GNL2: variants seen among roughly 807,000 people sequenced by gnomAD.
GNL2 encodes the protein nucleolar GTP-binding protein 2.
In GNL2, 51 loss-of-function variants were observed where a neutral mutation model predicts 92.3. That is an observed-to-expected ratio of 0.55 (90% CI 0.44 to 0.70). The LOEUF is 0.70. Ranked by LOEUF, GNL2 falls within the 30% of genes least tolerant of loss-of-function variation. The pLI is 0.00. For missense variants in GNL2, 844 were observed against 895.6 expected, an observed-to-expected ratio of 0.94 and a Z score of 0.74; for synonymous variants, 283 against 300.6, an observed-to-expected ratio of 0.94 and a Z score of 0.61.
At position 37,569,561 on chromosome 1, in the gene GNL2, C is replaced by T. The variant is rs1214733447; in HGVS notation, c.1417-259G>A. On this transcript the variant is annotated intron_variant, in intron 12 of 15. Coordinates refer to ENST00000373062, the MANE Select transcript of GNL2 (RefSeq NM_013285.3). Reference sequence around the variant, plus strand: ...AGACTATTTAAACCATTAAAACCAACCAATGATTTATCATAGAAAAGCAAG... The same window carrying T: ...AGACTATTTAAACCATTAAAACCAATCAATGATTTATCATAGAAAAGCAAG... 1.5e-5 allele frequency: 6 copies of T among 394,516 alleles called. No homozygotes were observed. The East Asian group carries it at 2.8e-4, about 18-fold the overall frequency. 24.4% of individuals were successfully genotyped at this position (394,516 alleles called of 1,614,324 possible). A position where few individuals can be genotyped will look rare whatever the true frequency, so the allele number is the denominator to read the frequency against.
intron 8 of GNL2, among the ~76,000 whole-genome samples, chr1:37,576,999 C>T (rs896514707): frequency 1.3e-5 from 2 of 151,956 alleles, no homozygotes; most frequent in African/African-American, 4.8e-5. Flanking sequence ...GTAATCCCAG[C>T]TACTTGGGAG....
At chr1:37,580,503 CT>C (rs1643749468) in intron 8 of GNL2, among the ~76,000 whole-genome samples, 1 of 152,182 alleles carries the variant, frequency 6.6e-6, no homozygotes, top group East Asian at 1.9e-4. Context: ...TCTCAGGAAA[CT>C]TTTGGAAAAT....
At chr1:37,582,720 C>A (rs1465837092) in intron 7 of GNL2, 58 bp downstream of exon 7, 14 of 1,382,694 alleles carry the variant, frequency 1.0e-5, no homozygotes, top group Non-Finnish European at 1.4e-5. Context: ...AAAAGCCCTA[C>A]AACTGACTTA....
chr1:37,567,821 C>A, intron 14 of GNL2, 57 bp from the exon 15 acceptor site: 1 of 1,330,312 alleles, frequency 7.5e-7, no homozygotes, highest in South Asian at 1.2e-5. Flanking sequence ...TCTATAAACC[C>A]AACGGTGGGA....
At chr1:37,584,175 T>C (rs974465660) in intron 5 of GNL2, among the ~76,000 whole-genome samples, 1 of 152,034 alleles carries the variant, frequency 6.6e-6, no homozygotes, top group Non-Finnish European at 1.5e-5. Context: ...TCCAGCTGGC[T>C]CAGTGGCTCA....
rs1411807896 is a variant in GNL2, at chr1:37,574,771, T to G, written c.1196A>C (p.Glu399Ala). The change falls in exon 11 of 16, where the codon GAA (glutamate) becomes GCA (alanine). Residue 399 changes from glutamate to alanine, a missense_variant. By Grantham distance (107) the Glu-to-Ala change is moderately radical. Transcript: ENST00000373062. ...GCTGATATATTCTGGCTTTGCTCGT[T>G]CAAGTACAGCACCAATGTGGTCTTC... ...SPEDHIGAVL[E>A]RAKPEYISKT... 33 of 1,613,498 alleles carry G rather than the reference T, an allele frequency of 2.0e-5. No individual in the cohort carries two copies. Among genetic ancestry groups the G allele is most frequent in the Non-Finnish European group, 2.7e-5 (32 of 1,179,500 alleles).
At chr1:37,572,598 G>A (rs1643610583) in intron 12 of GNL2, among the ~76,000 whole-genome samples, 1 of 152,194 alleles carries the variant, frequency 6.6e-6, no homozygotes, top group African/African-American at 2.4e-5. Context: ...ACATCAATGT[G>A]TGGAGAGGGC....
At chr1:37,589,784 A>T (rs1266591239) in intron 4 of GNL2, among the ~76,000 whole-genome samples, 1 of 152,200 alleles carries the variant, frequency 6.6e-6, no homozygotes, top group East Asian at 1.9e-4. Context: ...ACCCAGATTG[A>T]ATCCTTACTG....
intron 8 of GNL2, chr1:37,581,489 G>C: frequency 4.4e-6 from 2 of 456,086 alleles, no homozygotes; most frequent in Non-Finnish European, 8.8e-6. Context: ...TCCATGGGCA[G>C]AGGATGCACA....
intron 6 of GNL2, chr1:37,583,247 T>C: frequency 5.2e-6 from 1 of 192,142 alleles, no homozygotes; most frequent in Non-Finnish European, 1.1e-5. Context: ...GTTTGTAATA[T>C]TATCTTTAAG....
chr1:37,578,204 T>C (rs1399720088), intron 8 of GNL2, among the ~76,000 whole-genome samples: 3 of 152,064 alleles, frequency 2.0e-5, no homozygotes, highest in African/African-American at 7.2e-5. Flanking sequence ...TCTGGGAGGC[T>C]GAGGTGGGCA....
intron 5 of GNL2, 134 bp downstream of exon 5, chr1:37,587,177 G>A (rs1450094432): frequency 9.6e-6 from 6 of 622,214 alleles, no homozygotes; most frequent in Non-Finnish European, 1.4e-5. Context: ...TGAGGCAGGA[G>A]AATTGCTTGA....
intron 7 of GNL2, 131 bp downstream of exon 7, chr1:37,582,647 C>CT (rs1557642078): frequency 1.3e-6 from 1 of 798,950 alleles, no homozygotes; most frequent in East Asian, 2.6e-5. Context: ...AATGAGCACA[C>CT]TTTCGTGTTT....
At chr1:37,572,603 G>A (rs1643610701) in intron 12 of GNL2, among the ~76,000 whole-genome samples, 1 of 152,212 alleles carries the variant, frequency 6.6e-6, no homozygotes, top group Non-Finnish European at 1.5e-5. Flanking sequence ...AATGTGTGGA[G>A]AGGGCATGGA....
Position 37,582,261 on chromosome 1 carries a change from T to G in GNL2, c.871A>C (p.Lys291Gln), listed in dbSNP as rs1643782011. 1 of 1,612,970 alleles carries G rather than the reference T, an allele frequency of 6.2e-7. No homozygotes were observed. The highest frequency in any genetic ancestry group is 1.3e-5 in the African/African-American group (1 of 74,998). The change falls in exon 8 of 16, where the codon AAG becomes CAG. Residue 291 changes from lysine to glutamine, a missense_variant. Lys to Gln is a moderately conservative substitution (Grantham distance 53). Coordinates refer to ENST00000373062, the MANE Select transcript of GNL2 (RefSeq NM_013285.3). The stretch of plus-strand genomic sequence containing the variant: ...CGCAGAAGCTGAATGAATGCTCCCT[T>G]GCCAAACGGGTTAGTAAGGCTTGCA... ...FHASLTNPFG[K>Q]GAFIQLLRQF...
intron 8 of GNL2, among the ~76,000 whole-genome samples, chr1:37,578,724 AT>A (rs1557640372): frequency 2.0e-5 from 3 of 151,786 alleles, no homozygotes; most frequent in African/African-American, 4.8e-5. Flanking sequence ...TGCCTTGCTA[AT>A]TTTTTTCTAT....
intron 7 of GNL2, 149 bp downstream of exon 7, chr1:37,582,629 C>G (rs1285179858): frequency 2.9e-6 from 2 of 694,930 alleles, no homozygotes; most frequent in Non-Finnish European, 4.8e-6. Context: ...GTGCCTCTGC[C>G]CACTATCAAT....
chr1:37,581,273 G>A, intron 8 of GNL2: 1 of 444,304 alleles, frequency 2.3e-6, no homozygotes, highest in Admixed American at 2.4e-5. Flanking sequence ...GGGTGGGACA[G>A]CAGACATGTG....
intron 1 of GNL2, 88 bp downstream of exon 1, chr1:37,595,671 A>T: frequency 8.9e-7 from 1 of 1,120,642 alleles, no homozygotes; most frequent in Non-Finnish European, 1.4e-6. Context: ...ATGCCACTCG[A>T]GTAACCCTCC....
Sources: gnomAD v4.1 joint callset for allele counts (sites outside exome capture counted in the v4.1 genomes callset) on GRCh38, gnomAD v4.1.1 for gene constraint, MANE v1.5 for transcripts, NCBI Gene and HGNC (gene_info 2026-07-23, HGNC 2026-07-21) for gene names.